Variants in SLC36A4 observed in about 807,000 individuals in gnomAD.
SLC36A4 encodes solute carrier family 36 member 4.
SLC36A4 carries 49 observed loss-of-function variants against 50.5 expected under a neutral mutation model. The ratio of observed to expected loss-of-function variants is 0.97; its 90% CI spans 0.77 to 1.23. The LOEUF (loss-of-function observed/expected upper bound fraction) is 1.23, where lower values mean the gene tolerates loss of function less well. Among genes scored for constraint, SLC36A4 ranks in the 50% most tolerant of loss-of-function variants. The pLI is 0.00. For missense variants in SLC36A4, 611 were observed against 608.4 expected (o/e 1.00, Z -0.05); for synonymous variants, 207 against 206.5 (o/e 1.00, Z -0.02).
rs555307982 is a variant in SLC36A4, at chr11:93,146,638, A to T, written c.*1899T>A. On this transcript the variant is annotated 3_prime_UTR_variant, in exon 11 of 11. Coordinates refer to ENST00000326402, the MANE Select transcript of SLC36A4 (RefSeq NM_152313.4). ...CAAAAAATACTTGAACTAAGTTAAC[A>T]TTTACATATAAAAATAGAGAATATA... 1.3e-5 allele frequency: 2 copies of T among 152,112 alleles called. No homozygotes were observed. The highest frequency in any genetic ancestry group is 2.9e-5 in the Non-Finnish European group (2 of 67,976). The allele number at this position is 152,112 out of a possible 1,614,324, so 9.4% of individuals were successfully genotyped here. A position where few individuals can be genotyped will look rare whatever the true frequency, so the allele number is the denominator to read the frequency against.
Position 93,179,862 on chromosome 11 carries a change from A to G in SLC36A4, c.540+935T>C, listed in dbSNP as rs76145441. 2.9e-3 allele frequency among the ~76,000 whole-genome samples: 440 copies of G among 152,326 alleles called. 5 individuals are homozygous for G. The highest frequency in any genetic ancestry group is 0.01 in the African/African-American group (422 of 41,590). The stretch of plus-strand genomic sequence containing the variant: ...TATGGCTGAACTCAGTAGTTACAAC[A>G]GAGACCATATGGCCTGCAAAGCAGA... On this transcript the variant is annotated intron_variant, in intron 6 of 10. Transcript: ENST00000326402.
chr11:93,167,535 A>T (rs1860932378), intron 7 of SLC36A4: 1 of 155,176 alleles, frequency 6.4e-6, no homozygotes, highest in Non-Finnish European at 1.4e-5. Flanking sequence ...CAGTGGACTG[A>T]AGCAGTGGCA....
intron 9 of SLC36A4, chr11:93,160,538 A>C: frequency 1.0e-6 from 1 of 985,394 alleles, no homozygotes; most frequent in Non-Finnish European, 1.2e-6. Flanking sequence ...GATTAATTGG[A>C]GCTACTGCAG....
intron 1 of SLC36A4, among the ~76,000 whole-genome samples, chr11:93,191,405 A>G (rs928006424): frequency 2.0e-5 from 3 of 152,362 alleles, no homozygotes; most frequent in Admixed American, 2.0e-4. Context: ...AGGTAAATGT[A>G]TATGGCAGAA....
chr11:93,185,203 T>A (rs942018391), intron 2 of SLC36A4: 1 of 152,302 alleles, frequency 6.6e-6, no homozygotes, highest in African/African-American at 2.4e-5. Flanking sequence ...CAAAAATGTT[T>A]ACCTAAATAT....
chr11:93,161,448 T>A (rs1860613059), intron 9 of SLC36A4, among the ~76,000 whole-genome samples: 1 of 152,218 alleles, frequency 6.6e-6, no homozygotes, highest in Non-Finnish European at 1.5e-5. Context: ...TAAATTGTAA[T>A]TTAAAAATAC....
At chr11:93,180,271 C>T (rs758228973) in intron 6 of SLC36A4, 72 of 985,102 alleles carry the variant, frequency 7.3e-5, no homozygotes, top group Non-Finnish European at 8.6e-5. Flanking sequence ...TCAATCTCTT[C>T]CAAGACTGCA....
chr11:93,158,869 C>T (rs1271695321), intron 9 of SLC36A4, among the ~76,000 whole-genome samples: 1 of 151,990 alleles, frequency 6.6e-6, no homozygotes, highest in Non-Finnish European at 1.5e-5. Flanking sequence ...TTCTTAAAGT[C>T]ACAGGAATTT....
Position 93,145,035 on chromosome 11 carries a change from T to A in SLC36A4, c.*3502A>T, listed in dbSNP as rs1267236222. The A allele has an allele frequency of 1.3e-5, 2 of 152,088 alleles. No homozygotes were observed. The highest frequency in any genetic ancestry group is 4.1e-4 in the South Asian group (2 of 4,834). 9.4% of individuals were successfully genotyped at this position (152,088 alleles called of 1,614,324 possible). On this transcript the variant is annotated 3_prime_UTR_variant, in exon 11 of 11. Coordinates refer to ENST00000326402, the MANE Select transcript of SLC36A4 (RefSeq NM_152313.4). ...AGAAGTGAGGTCAAGACCTAGTTTG[T>A]GTATACTGTCAGTAAACAGATCCAC... is the stretch of plus-strand genomic sequence containing the variant.
chr11:93,171,858 A>G (rs1470455455), intron 6 of SLC36A4: 1 of 152,176 alleles, frequency 6.6e-6, no homozygotes, highest in African/African-American at 2.4e-5. Flanking sequence ...ATCTATAACA[A>G]GTAATGCTAA....
In SLC36A4 at chr11:93,180,771, T is replaced by C. The variant is rs995529427; in HGVS notation, c.540+26A>G. 8 of 1,529,872 alleles carry C rather than the reference T, an allele frequency of 5.2e-6. No homozygotes were observed. The African/African-American group carries it at 9.6e-5, about 18-fold the overall frequency. The allele number at this position is 1,529,872 out of a possible 1,614,324, so 94.8% of individuals were successfully genotyped here. ...AACTAGGGCTTTAGAAGAAAATGATTTCACTAACTGGAGAAAAATACTCAC... is the reference window on the plus strand; with the variant it reads ...AACTAGGGCTTTAGAAGAAAATGATCTCACTAACTGGAGAAAAATACTCAC... On this transcript the variant is annotated intron_variant, in intron 6 of 10. Transcript: ENST00000326402.
At chr11:93,181,900 G>C (rs1187699409) in intron 4 of SLC36A4, 114 bp from the exon 5 acceptor site, 2 of 866,662 alleles carry the variant, frequency 2.3e-6, no homozygotes, top group Non-Finnish European at 3.2e-6. Context: ...GCAAGGCTAT[G>C]AACTGACAAA....
chr11:93,150,509 T>C (rs1284464742), intron 10 of SLC36A4, among the ~76,000 whole-genome samples: 1 of 152,072 alleles, frequency 6.6e-6, no homozygotes, highest in Non-Finnish European at 1.5e-5. Context: ...CAAATTATTA[T>C]GAAAGCTAAA....
At chr11:93,180,757 T>C (rs1393956342) in intron 6 of SLC36A4, 40 bp downstream of exon 6, 1 of 1,417,460 alleles carries the variant, frequency 7.1e-7, no homozygotes, top group Non-Finnish European at 9.9e-7. Context: ...ACTAGGGCTT[T>C]AGAAGAAAAT....
chr11:93,155,566 A>G (rs1295938571), intron 9 of SLC36A4: 1 of 152,078 alleles, frequency 6.6e-6, no homozygotes, highest in African/African-American at 2.4e-5. Flanking sequence ...CTTAAGACTT[A>G]AAGTAGTAAG....
rs147840801 is a variant in SLC36A4 at position 93,144,338 on chromosome 11, C to T, written c.*4199G>A. ...ATTTTGAAAAACAAAAATCCACCCA[C>T]AGCTGAATTTATTCAGGGTGTAAAC... On this transcript the variant is annotated 3_prime_UTR_variant, in exon 11 of 11. Coordinates refer to ENST00000326402, the MANE Select transcript of SLC36A4 (RefSeq NM_152313.4). 15 of 152,182 alleles carry T rather than the reference C, an allele frequency of 9.9e-5. No individual in the cohort carries two copies. The highest frequency in any genetic ancestry group is 3.1e-4 in the African/African-American group (13 of 41,554). 9.4% of individuals were successfully genotyped at this position (152,182 alleles called of 1,614,324 possible). A position where few individuals can be genotyped will look rare whatever the true frequency, so the allele number is the denominator to read the frequency against.
intron 9 of SLC36A4, among the ~76,000 whole-genome samples, chr11:93,156,673 C>A (rs1164373341): frequency 2.0e-5 from 3 of 151,558 alleles, no homozygotes; most frequent in Non-Finnish European, 4.4e-5. Context: ...CCGCCTTGGC[C>A]TCCCAAGCCC....
intron 9 of SLC36A4, among the ~76,000 whole-genome samples, chr11:93,157,425 T>C (rs1271381961): frequency 6.6e-6 from 1 of 152,198 alleles, no homozygotes; most frequent in African/African-American, 2.4e-5. Context: ...AACTATAAAT[T>C]GCTTTGGGCA....
chr11:93,160,663 T>C (rs1363730723), intron 9 of SLC36A4: 15 of 985,236 alleles, frequency 1.5e-5, no homozygotes, highest in Non-Finnish European at 1.8e-5. Context: ...CCTTTCAATG[T>C]GAATGTGTGC....
Sources: gnomAD v4.1 joint callset for allele counts (sites outside exome capture counted in the v4.1 genomes callset) on GRCh38, gnomAD v4.1.1 for gene constraint, MANE v1.5 for transcripts, NCBI Gene and HGNC (gene_info 2026-07-23, HGNC 2026-07-21) for gene names.